DLGAP2: variants seen among roughly 807,000 people sequenced by gnomAD.
DLGAP2 encodes disks large-associated protein 2.
In DLGAP2, 26 loss-of-function variants were observed where a neutral mutation model predicts 100.3. That is an observed-to-expected ratio of 0.26 (90% CI 0.19 to 0.36). DLGAP2 has a LOEUF of 0.36. Among genes scored for constraint, DLGAP2 ranks in the 10% least tolerant of loss-of-function variants. The probability of loss-of-function intolerance (pLI) is 1.00; values close to 1 mark genes in which losing one functional copy is unlikely to be tolerated. For missense variants in DLGAP2, 1,858 were observed against 1,453.2 expected (o/e 1.28, Z -4.53); for synonymous variants, 886 against 630.1 (o/e 1.41, Z -6.08).
chr8:1,187,038 C>T (rs981223570), intron 2 of DLGAP2, among the ~76,000 whole-genome samples: 1 of 152,170 alleles, frequency 6.6e-6, no homozygotes, highest in African/African-American at 2.4e-5. Context: ...TGGGCCTTTC[C>T]CAGGCCCCAG....
intron 2 of DLGAP2, among the ~76,000 whole-genome samples, chr8:910,906 C>T (rs1024871939): frequency 1.3e-5 from 2 of 152,074 alleles, no homozygotes; most frequent in Non-Finnish European, 2.9e-5. Flanking sequence ...TGCGCCACCA[C>T]ATTTGGGCTG....
intron 6 of DLGAP2, among the ~76,000 whole-genome samples, chr8:1,576,627 T>C (rs1802990940): frequency 6.6e-6 from 1 of 152,196 alleles, no homozygotes; most frequent in African/African-American, 2.4e-5. Flanking sequence ...CTTTAATCCA[T>C]CTTGAATTAA....
chr8:1,614,885 C>G (rs534678973), intron 6 of DLGAP2, among the ~76,000 whole-genome samples: 2 of 152,232 alleles, frequency 1.3e-5, no homozygotes, highest in African/African-American at 4.8e-5. Flanking sequence ...GCATGCCCTC[C>G]TGTTTGAAAG....
chr8:1,337,609 C>G (rs954482422), intron 3 of DLGAP2, among the ~76,000 whole-genome samples: 2 of 70,496 alleles, frequency 2.8e-5, no homozygotes, highest in Non-Finnish European at 6.5e-5. Flanking sequence ...CTCATTGATT[C>G]ATGCATTAAT....
chr8:1,620,958 G>GT (rs1747955436), intron 6 of DLGAP2, among the ~76,000 whole-genome samples: 1 of 152,048 alleles, frequency 6.6e-6, no homozygotes, highest in African/African-American at 2.4e-5. Context: ...CTGCTCTCCA[G>GT]ACAAACAATG....
intron 3 of DLGAP2, among the ~76,000 whole-genome samples, chr8:1,346,615 G>T (rs1024866242): frequency 1.3e-5 from 2 of 151,336 alleles, no homozygotes; most frequent in Admixed American, 6.6e-5. Context: ...GCTGTGTGGA[G>T]GTTGAGTTCT....
intron 6 of DLGAP2, among the ~76,000 whole-genome samples, chr8:1,610,339 AC>A (rs1255786896): frequency 6.6e-6 from 1 of 151,926 alleles, no homozygotes; most frequent in Non-Finnish European, 1.5e-5. Flanking sequence ...TTTGAAACCA[AC>A]GAGAACAAAG....
intron 2 of DLGAP2, among the ~76,000 whole-genome samples, chr8:942,973 C>T (rs541713462): frequency 5.3e-5 from 8 of 152,344 alleles, no homozygotes; most frequent in Non-Finnish European, 7.3e-5. Flanking sequence ...CATCTATCAG[C>T]GCTGCTCATC....
At chr8:995,454 A>G (rs1429551533) in intron 2 of DLGAP2, among the ~76,000 whole-genome samples, 1 of 152,236 alleles carries the variant, frequency 6.6e-6, no homozygotes, top group South Asian at 2.1e-4. Flanking sequence ...TCAAAAACCA[A>G]GTCTCATTAT....
At chr8:782,540 T>A (rs1821722263) in intron 1 of DLGAP2, among the ~76,000 whole-genome samples, 1 of 152,214 alleles carries the variant, frequency 6.6e-6, no homozygotes, top group South Asian at 2.1e-4. Context: ...TTTGATGAAA[T>A]ATGTTAATTA....
intron 2 of DLGAP2, among the ~76,000 whole-genome samples, chr8:1,084,226 T>C (rs974209647): frequency 6.6e-6 from 1 of 152,214 alleles, no homozygotes; most frequent in Non-Finnish European, 1.5e-5. Flanking sequence ...AGTCCTTGTG[T>C]TTTTTAAAAT....
intron 2 of DLGAP2, among the ~76,000 whole-genome samples, chr8:1,009,778 A>G (rs1352412409): frequency 2.0e-5 from 3 of 152,252 alleles, no homozygotes; most frequent in Non-Finnish European, 4.4e-5. Flanking sequence ...GACCTTGCTC[A>G]CATAATCCTG....
chr8:1,289,660 G>T (rs1481661434), intron 3 of DLGAP2, among the ~76,000 whole-genome samples: 1 of 152,126 alleles, frequency 6.6e-6, no homozygotes, highest in African/African-American at 2.4e-5. Context: ...CCTTTGAGAT[G>T]GATGGTGAAG....
At chr8:1,040,601 G>T in intron 2 of DLGAP2, among the ~76,000 whole-genome samples, 1 of 150,204 alleles carries the variant, frequency 6.7e-6, no homozygotes, top group East Asian at 2.0e-4. Flanking sequence ...AGTGTGCGTG[G>T]TCAGCTCGGT....
At position 1,332,514 on chromosome 8, in the gene DLGAP2, C is replaced by T. The variant is rs559365532; in HGVS notation, c.106+73631C>T. 1.0e-3 allele frequency among the ~76,000 whole-genome samples: 158 copies of T among 152,280 alleles called. 2 individuals carry two copies. The highest frequency in any genetic ancestry group is 6.8e-3 in the Middle Eastern group (2 of 294). On this transcript the variant is annotated intron_variant, in intron 3 of 14. Transcript: ENST00000637795. ...ATACATCTGTGTACTCATATCTGCA[C>T]GTGTGTGTCATTGTGCACACACTCC...
At chr8:840,517 C>T (rs1334388067) in intron 1 of DLGAP2, among the ~76,000 whole-genome samples, 2 of 92,664 alleles carry the variant, frequency 2.2e-5, no homozygotes, top group South Asian at 4.9e-4. Flanking sequence ...CGCGTCCACA[C>T]GGTGCACGCC....
In DLGAP2 at chr8:1,235,048, T is replaced by A. The variant is rs117688406; in HGVS notation, c.74-23803T>A. On this transcript the variant is annotated intron_variant, in intron 2 of 14. Transcript: ENST00000637795. ...TAATTCTCTCTCACATGGCGCCATGTCTAGTTCTCTCACATGGCATCGTGT... is the reference window on the plus strand; with the variant it reads ...TAATTCTCTCTCACATGGCGCCATGACTAGTTCTCTCACATGGCATCGTGT... 1.0e-3 allele frequency among the ~76,000 whole-genome samples: 158 copies of A among 151,974 alleles called. 4 individuals are homozygous for A. The East Asian group carries it at 0.025, about 24-fold the overall frequency.
At chr8:1,254,982 C>CTG (rs749117315) in intron 2 of DLGAP2, among the ~76,000 whole-genome samples, 14 of 127,216 alleles carry the variant, frequency 1.1e-4, no homozygotes, top group African/African-American at 4.4e-4. Flanking sequence ...TGTCCGGGTG[C>CTG]TGTGTGTGTG....
At chr8:1,115,158 G>A (rs1458098134) in intron 2 of DLGAP2, among the ~76,000 whole-genome samples, 1 of 152,242 alleles carries the variant, frequency 6.6e-6, no homozygotes, top group African/African-American at 2.4e-5. Context: ...AGAAGAATGT[G>A]CATTCTGTTG....
Sources: gnomAD v4.1 joint callset for allele counts (sites outside exome capture counted in the v4.1 genomes callset) on GRCh38, gnomAD v4.1.1 for gene constraint, MANE v1.5 for transcripts, NCBI Gene and HGNC (gene_info 2026-07-23, HGNC 2026-07-21) for gene names.